TIAM1: variants seen among roughly 807,000 people sequenced by gnomAD.
TIAM1 encodes TIAM Rac1 associated GEF 1.
Under a neutral mutation model 163.5 loss-of-function variants are expected in TIAM1, and 65 were observed. The ratio of observed to expected loss-of-function variants is 0.40; its 90% CI spans 0.33 to 0.49. The LOEUF is 0.49. Among genes scored for constraint, TIAM1 ranks in the 20% least tolerant of loss-of-function variants. The pLI, the probability that TIAM1 is intolerant of heterozygous loss-of-function variation, is 0.77. For missense variants in TIAM1, 1,789 were observed against 2,044.7 expected, an observed-to-expected ratio of 0.87 and a Z score of 2.41; for synonymous variants, 833 against 810.1, an observed-to-expected ratio of 1.03 and a Z score of -0.48.
At chr21:31,406,180 T>TAA (rs78738144) in intron 2 of TIAM1, among the ~76,000 whole-genome samples, 155 of 138,530 alleles carry the variant, frequency 1.1e-3, no homozygotes, top group African/African-American at 3.8e-3. Flanking sequence ...AATGTTATCT[T>TAA]AAAAAAAAAA....
chr21:31,276,907 A>G lies in TIAM1; in HGVS notation c.-187T>C, dbSNP rs1325852153. 6.6e-6 allele frequency: 1 copy of G among 152,202 alleles called. No individual in the cohort carries two copies. Among genetic ancestry groups the G allele is most frequent in the African/African-American group, 2.4e-5 (1 of 41,446 alleles). 9.4% of individuals were successfully genotyped at this position (152,202 alleles called of 1,614,324 possible). On this transcript the variant is annotated splice_region_variant and 5_prime_UTR_variant, in exon 3 of 28. Coordinates refer to ENST00000541036, the MANE Select transcript of TIAM1 (RefSeq NM_001353694.2). Reference sequence around the variant, plus strand: ...CTAAGTCTGTGAGAATGCGCCAAAAACCTGGAGAGGAGCAGGTCAGAGGAG... The same window carrying G: ...CTAAGTCTGTGAGAATGCGCCAAAAGCCTGGAGAGGAGCAGGTCAGAGGAG...
Position 31,225,879 on chromosome 21 carries a change from C to A in TIAM1, c.1656G>T (p.Arg552Ser), listed in dbSNP as rs1161739704. ...IHSACATAVA[R>S]HHHKEDTLRL... is the part of the protein sequence containing the mutation. ...GGAGCGTGTCTTCCTTGTGGTGGTG[C>A]CTCGCGACCGCAGTGGCGCAGGCAG... The change falls in exon 7 of 28, where the codon AGG (arginine) becomes AGT (serine). Residue 552 changes from arginine to serine, a missense_variant. Coordinates refer to ENST00000541036, the MANE Select transcript of TIAM1 (RefSeq NM_001353694.2). 3 of 1,614,024 alleles carry A rather than the reference C, an allele frequency of 1.9e-6. No individual in the cohort carries two copies. The highest frequency in any genetic ancestry group is 1.7e-5 in the Admixed American group (1 of 59,990).
intron 2 of TIAM1, among the ~76,000 whole-genome samples, chr21:31,279,041 T>G (rs1207539815): frequency 6.6e-6 from 1 of 152,144 alleles, no homozygotes; most frequent in Non-Finnish European, 1.5e-5. Context: ...ATAATGCATT[T>G]TCTATACTTT....
chr21:31,151,466 C>T (rs991732181), intron 19 of TIAM1, among the ~76,000 whole-genome samples: 2 of 152,200 alleles, frequency 1.3e-5, no homozygotes, highest in African/African-American at 4.8e-5. Context: ...CCCAGAAAAA[C>T]GGGTACTTGG....
intron 9 of TIAM1, among the ~76,000 whole-genome samples, chr21:31,213,808 C>T (rs962083586): frequency 1.4e-5 from 2 of 143,586 alleles, no homozygotes; most frequent in African/African-American, 2.7e-5. Flanking sequence ...GGCGGGAGGA[C>T]TGCTTGAGCC....
At chr21:31,130,827 G>A (rs1217297601) in intron 24 of TIAM1, 63 bp downstream of exon 24, 9 of 1,465,604 alleles carry the variant, frequency 6.1e-6, no homozygotes, top group Non-Finnish European at 8.6e-6. Context: ...GAATTATGCA[G>A]GCATAACTGA....
chr21:31,315,543 C>T lies in TIAM1; in HGVS notation c.-189+23700G>A, dbSNP rs1304784085. Reference sequence around the variant, plus strand: ...AAAAAAAAGTAGCCGGGTGTGGTGGCGCATACCTGTAATCCCAACTACTTG... The same window carrying T: ...AAAAAAAAGTAGCCGGGTGTGGTGGTGCATACCTGTAATCCCAACTACTTG... On this transcript the variant is annotated intron_variant, in intron 2 of 27. Coordinates refer to ENST00000541036, the MANE Select transcript of TIAM1 (RefSeq NM_001353694.2). Among the ~76,000 whole-genome samples, 16 of 151,096 alleles carry T rather than the reference C, an allele frequency of 1.1e-4. No homozygotes were observed. In the East Asian group the frequency reaches 2.5e-3, roughly 24 times the overall value.
rs35708801 is a variant in TIAM1, at chr21:31,430,225, AATATAT to A, written c.-369+33752_-369+33757del. Reference sequence around the variant, plus strand: ...CCATCTCAAAGAAAAAAAAAAAAAAAATATATATATATATATATATATACACACACA... The same window carrying A: ...CCATCTCAAAGAAAAAAAAAAAAAAAATATATATATATATATACACACACA... On this transcript the variant is annotated intron_variant, in intron 2 of 28. Coordinates refer to the TIAM1 transcript ENST00000286827. Among the ~76,000 whole-genome samples, 541 of 90,242 alleles carry A rather than the reference AATATAT, an allele frequency of 6.0e-3. 12 individuals are homozygous for A. The highest frequency in any genetic ancestry group is 0.029 in the African/African-American group (505 of 17,336). The allele number at this position is 90,242 out of a possible 152,430, so 59.2% of individuals were successfully genotyped here.
At chr21:31,130,106 A>G (rs2082352912) in intron 25 of TIAM1, 107 bp downstream of exon 25, 5 of 914,500 alleles carry the variant, frequency 5.5e-6, no homozygotes, top group South Asian at 1.9e-5. Context: ...GAAAAAAAAA[A>G]AAAAAAGACG....
chr21:31,275,137 A>G (rs2073240409), intron 3 of TIAM1, among the ~76,000 whole-genome samples: 1 of 152,044 alleles, frequency 6.6e-6, no homozygotes, highest in Non-Finnish European at 1.5e-5. Flanking sequence ...AAAAAAAAAA[A>G]AAAAGAATAT....
chr21:31,152,728 C>A lies in TIAM1; in HGVS notation c.3274G>T (p.Val1092Leu), dbSNP rs1568928011. 2 of 1,614,136 alleles carry A rather than the reference C, an allele frequency of 1.2e-6. No homozygotes were observed. Among genetic ancestry groups the A allele is most frequent in the Non-Finnish European group, 1.7e-6 (2 of 1,180,010 alleles). Residue 1092 changes from valine to leucine, a missense_variant, in exon 19 of 28, where the codon GTA becomes TTA. By Grantham distance (32) the Val-to-Leu change is conservative (BLOSUM62 1). Around this residue, in one of 5 missense-constraint regions of TIAM1, gnomAD observed 303 missense variants for 321.3 expected, o/e 0.94. Transcript: ENST00000541036. ...TTAAGGAATTCTACTTGAAACTCTACCATTTCCGTTAAATTTCCAAAAAGC... is the reference window on the plus strand; with the variant it reads ...TTAAGGAATTCTACTTGAAACTCTAACATTTCCGTTAAATTTCCAAAAAGC... ...DVLFGNLTEM[V>L]EFQVEFLKTL...
intron 6 of TIAM1, among the ~76,000 whole-genome samples, chr21:31,230,783 C>T (rs554785093): frequency 6.6e-6 from 1 of 152,218 alleles, no homozygotes; most frequent in Admixed American, 6.5e-5. Flanking sequence ...ATCCGCCAGC[C>T]TCAGCCTCCC....
At chr21:31,373,451 G>A (rs113345679) in intron 2 of TIAM1, among the ~76,000 whole-genome samples, 19 of 152,280 alleles carry the variant, frequency 1.2e-4, no homozygotes, top group African/African-American at 2.9e-4. Flanking sequence ...TTTCGTGGTG[G>A]TGGCAAGAGA....
chr21:31,383,733 A>G (rs567612340), intron 2 of TIAM1, among the ~76,000 whole-genome samples: 31 of 152,276 alleles, frequency 2.0e-4, no homozygotes, highest in Middle Eastern at 3.4e-3. Context: ...AAGGTTACAC[A>G]CCAACAGGAC....
At chr21:31,527,542 T>C (rs2047828525) in intron 1 of TIAM1, among the ~76,000 whole-genome samples, 1 of 152,042 alleles carries the variant, frequency 6.6e-6, no homozygotes, top group African/African-American at 2.4e-5. Flanking sequence ...AGCACACATT[T>C]TTGCCAGCTC....
chr21:31,363,132 G>A (rs1271054694), intron 2 of TIAM1, among the ~76,000 whole-genome samples: 1 of 152,120 alleles, frequency 6.6e-6, no homozygotes, highest in Non-Finnish European at 1.5e-5. Context: ...GAAATTCCTT[G>A]GGAATTTTTT....
At chr21:31,155,726 A>T (rs541454152) in intron 16 of TIAM1, among the ~76,000 whole-genome samples, 1 of 151,992 alleles carries the variant, frequency 6.6e-6, no homozygotes. Context: ...GGATGGTCTC[A>T]ATCTGACCTT....
chr21:31,536,667 TG>T (rs2048145735), intron 1 of TIAM1, among the ~76,000 whole-genome samples: 1 of 152,180 alleles, frequency 6.6e-6, no homozygotes, highest in African/African-American at 2.4e-5. Flanking sequence ...TGGGCAGGGC[TG>T]GGGTGAGCAA....
At chr21:31,157,235 CAAGTT>C (rs1423585530) in intron 16 of TIAM1, among the ~76,000 whole-genome samples, 1 of 152,092 alleles carries the variant, frequency 6.6e-6, no homozygotes, top group South Asian at 2.1e-4. Context: ...TAAATAAAAA[CAAGTT>C]AAGAGAACTA....
Sources: gnomAD v4.1 joint callset for allele counts (sites outside exome capture counted in the v4.1 genomes callset) on GRCh38, gnomAD v4.1.1 for gene constraint, gnomAD v4.1.1 regional missense constraint, MANE v1.5 for transcripts, NCBI Gene and HGNC (gene_info 2026-07-23, HGNC 2026-07-21) for gene names.